APAF1: variants seen among roughly 807,000 people sequenced by gnomAD.
The protein encoded by APAF1 is apoptotic protease-activating factor 1.
APAF1 carries 91 observed loss-of-function variants against 152.4 expected under a neutral mutation model. That is an observed-to-expected ratio of 0.60 (90% CI 0.50 to 0.71). The LOEUF (loss-of-function observed/expected upper bound fraction) is 0.71, where lower values mean the gene tolerates loss of function less well. Among genes scored for constraint, APAF1 ranks in the 30% least tolerant of loss-of-function variants. The pLI is 0.00. For missense variants in APAF1, 1,283 were observed against 1,472.0 expected, an observed-to-expected ratio of 0.87 and a Z score of 2.10; for synonymous variants, 484 against 494.1, an observed-to-expected ratio of 0.98 and a Z score of 0.27.
At chr12:98,728,437 G>A (rs1177552442) in intron 26 of APAF1, among the ~76,000 whole-genome samples, 2 of 152,062 alleles carry the variant, frequency 1.3e-5, no homozygotes, top group Non-Finnish European at 2.9e-5. Flanking sequence ...TACATAATTA[G>A]TGCCGGGTGT....
chr12:98,712,212 G>T, intron 20 of APAF1, 107 bp from the exon 21 acceptor site: 1 of 739,440 alleles, frequency 1.4e-6, no homozygotes. Context: ...AGCTCTTGTT[G>T]GTTATTTTCT....
intron 18 of APAF1, among the ~76,000 whole-genome samples, chr12:98,706,225 T>A (rs1338588715): frequency 6.6e-6 from 1 of 152,222 alleles, no homozygotes; most frequent in Non-Finnish European, 1.5e-5. Context: ...AATGGCTGCA[T>A]GATATTCCAT....
intron 4 of APAF1, among the ~76,000 whole-genome samples, chr12:98,651,239 C>A (rs1008611224): frequency 6.6e-6 from 1 of 152,176 alleles, no homozygotes; most frequent in Non-Finnish European, 1.5e-5. Context: ...GAGCTTTTCA[C>A]TGTATTTATT....
At chr12:98,730,879 A>G (rs2097759999) in intron 26 of APAF1, among the ~76,000 whole-genome samples, 1 of 152,230 alleles carries the variant, frequency 6.6e-6, no homozygotes, top group South Asian at 2.1e-4. Flanking sequence ...ATTCCTATTT[A>G]TAAGTGAAAA....
chr12:98,723,245 CAG>C lies in APAF1; in HGVS notation c.3138_3139del (p.Val1047GlufsTer4). On this transcript the variant is annotated frameshift_variant, in exon 23 of 27. Coordinates refer to ENST00000551964, the MANE Select transcript of APAF1 (RefSeq NM_181861.2). LOFTEE classifies it high-confidence loss of function. The stretch of plus-strand genomic sequence containing the variant: ...ATCTTTCTACGAGGCCATCAGGAAA[CAG>C]TGAAAGACTTTAGACTCTTGAAAAA... 2 of 1,613,418 alleles carry C rather than the reference CAG, an allele frequency of 1.2e-6. No individual in the cohort carries two copies. The highest frequency in any genetic ancestry group is 1.7e-6 in the Non-Finnish European group (2 of 1,179,398).
intron 16 of APAF1, 87 bp downstream of exon 16, chr12:98,686,960 A>G: frequency 7.3e-7 from 1 of 1,366,554 alleles, no homozygotes; most frequent in East Asian, 2.3e-5. Context: ...GTTTTTTCAC[A>G]TTTCTACAGA....
chr12:98,689,874 T>C (rs957340860), intron 16 of APAF1, among the ~76,000 whole-genome samples: 4 of 152,238 alleles, frequency 2.6e-5, no homozygotes, highest in Admixed American at 1.3e-4. Context: ...GATTTCCACT[T>C]ATAAATGTGT....
intron 12 of APAF1, 112 bp downstream of exon 12, chr12:98,671,831 G>C: frequency 1.0e-6 from 1 of 998,162 alleles, no homozygotes; most frequent in South Asian, 1.4e-5. Context: ...GAAAGGGCTG[G>C]AACTTTTAAT....
chr12:98,664,692 C>T (rs2097669908), intron 7 of APAF1, among the ~76,000 whole-genome samples: 1 of 152,044 alleles, frequency 6.6e-6, no homozygotes, highest in Admixed American at 6.6e-5. Context: ...CACCACCACA[C>T]CTGGGTAATT....
At chr12:98,647,909 A>C (rs28489427) in intron 1 of APAF1, among the ~76,000 whole-genome samples, 1 of 150,356 alleles carries the variant, frequency 6.7e-6, no homozygotes, top group Admixed American at 6.6e-5. Flanking sequence ...TTTTCTTTTT[A>C]TTTTTTACTC....
chr12:98,658,948 C>T (rs555450846), intron 4 of APAF1, among the ~76,000 whole-genome samples: 2 of 152,336 alleles, frequency 1.3e-5, no homozygotes, highest in South Asian at 4.1e-4. Flanking sequence ...AGATTTACTT[C>T]AAACTTCAGT....
rs72354759 is a variant in APAF1, at chr12:98,672,153, T to TTTTATTTA, written c.1793+454_1793+461dup. On this transcript the variant is annotated intron_variant, in intron 12 of 26. Coordinates refer to ENST00000551964, the MANE Select transcript of APAF1 (RefSeq NM_181861.2). ...GAAATAAGTGCTGTTTCCATGAAGA[T>TTTTATTTA]TTTATTTATTTATTTATTTATTTAT... is the stretch of plus-strand genomic sequence containing the variant. Among the ~76,000 whole-genome samples, 333 of 150,454 alleles carry TTTTATTTA rather than the reference T, an allele frequency of 2.2e-3. 1 individual carries two copies. The highest frequency in any genetic ancestry group is 8.4e-3 in the South Asian group (40 of 4,738).
intron 4 of APAF1, among the ~76,000 whole-genome samples, chr12:98,652,078 G>C (rs1173029191): frequency 6.6e-6 from 1 of 152,172 alleles, no homozygotes; most frequent in African/African-American, 2.4e-5. Context: ...GCCTCCCAAA[G>C]TGCTGGAATT....
chr12:98,655,806 CAG>C (rs2097656690), intron 4 of APAF1, among the ~76,000 whole-genome samples: 1 of 148,940 alleles, frequency 6.7e-6, no homozygotes, highest in South Asian at 2.1e-4. Flanking sequence ...TTTTTTGAGA[CAG>C]AGTCTCACTC....
chr12:98,696,734 G>A (rs1337885942), intron 16 of APAF1, among the ~76,000 whole-genome samples: 1 of 152,084 alleles, frequency 6.6e-6, no homozygotes, highest in African/African-American at 2.4e-5. Context: ...GGGCTCAAGT[G>A]GTCCGCTTGC....
chr12:98,721,044 A>G (rs2097741940), intron 22 of APAF1, among the ~76,000 whole-genome samples: 1 of 152,242 alleles, frequency 6.6e-6, no homozygotes, highest in African/African-American at 2.4e-5. Flanking sequence ...AAATTCTACA[A>G]GTATATATAC....
chr12:98,680,389 A>T lies in APAF1; in HGVS notation c.2033A>T (p.Asp678Val). ...DDRFIATCSVDKKVKIWNSMT... is the reference protein window; with the variant it reads ...DDRFIATCSVVKKVKIWNSMT... ...AGATTTATAGCAACCTGCTCAGTGG[A>T]TAAAAAAGTGAAGGTAGGAAAATCT... is the stretch of plus-strand genomic sequence containing the variant. Residue 678 changes from aspartate to valine, a missense_variant, in exon 14 of 27, where the codon GAT becomes GTT. Coordinates refer to ENST00000551964, the MANE Select transcript of APAF1 (RefSeq NM_181861.2). 6.2e-7 allele frequency: 1 copy of T among 1,613,560 alleles called. No individual in the cohort carries two copies. Among genetic ancestry groups the T allele is most frequent in the Non-Finnish European group, 8.5e-7 (1 of 1,180,004 alleles).
At chr12:98,711,449 C>G (rs914920738) in intron 20 of APAF1, among the ~76,000 whole-genome samples, 3 of 152,082 alleles carry the variant, frequency 2.0e-5, no homozygotes, top group African/African-American at 7.2e-5. Context: ...ATGTTCAGCT[C>G]TTCGTAGTTC....
chr12:98,714,263 A>C (rs1593102590), intron 21 of APAF1, among the ~76,000 whole-genome samples: 1 of 152,216 alleles, frequency 6.6e-6, no homozygotes, highest in Non-Finnish European at 1.5e-5. Context: ...TATGTGCTTC[A>C]TCCACATCGT....
Sources: gnomAD v4.1 joint callset for allele counts (sites outside exome capture counted in the v4.1 genomes callset) on GRCh38, gnomAD v4.1.1 for gene constraint, MANE v1.5 for transcripts, NCBI Gene and HGNC (gene_info 2026-07-23, HGNC 2026-07-21) for gene names.